TENM2: variants seen among roughly 807,000 people sequenced by gnomAD.
TENM2 encodes teneurin transmembrane protein 2, also known as teneurin-2.
A neutral mutation model predicts 245.2 loss-of-function variants in TENM2; 52 were observed. The ratio of observed to expected loss-of-function variants is 0.21; its 90% confidence interval spans 0.17 to 0.27. The LOEUF (loss-of-function observed/expected upper bound fraction) is 0.27, where lower values mean the gene tolerates loss of function less well. TENM2 is among the 10% of genes least tolerant of loss of function. TENM2 has a pLI of 1.00. For missense variants in TENM2, 3,046 were observed against 3,666.8 expected (o/e 0.83, Z 4.37); for synonymous variants, 1,363 against 1,438.9 (o/e 0.95, Z 1.19).
At chr5:167,246,434 ATATATG>A in the TENM2 span, among the ~76,000 whole-genome samples, 224 of 152,176 alleles carry the variant, frequency 1.5e-3, 2 homozygotes, top group Middle Eastern at 6.8e-3. Flanking sequence ...ATATGTCTGT[ATATATG>A]TATATGTATA....
chr5:167,734,664 T>A (rs952675483), intron 2 of TENM2, among the ~76,000 whole-genome samples: 6 of 152,078 alleles, frequency 3.9e-5, no homozygotes, highest in African/African-American at 1.4e-4. Flanking sequence ...TCTGCAGCTT[T>A]CAGTACTGTG....
intron 2 of TENM2, among the ~76,000 whole-genome samples, chr5:167,855,219 C>T (rs1395567899): frequency 6.6e-6 from 1 of 152,048 alleles, no homozygotes; most frequent in African/African-American, 2.4e-5. Context: ...TTGTGCTTCC[C>T]CTAGACATCA....
the TENM2 span, among the ~76,000 whole-genome samples, chr5:167,140,681 C>T: frequency 6.6e-6 from 1 of 152,074 alleles, no homozygotes; most frequent in South Asian, 2.1e-4. Context: ...GAGCGCAATA[C>T]ACTTGGTGGC....
chr5:167,012,598 A>G, the TENM2 span, among the ~76,000 whole-genome samples: 1 of 152,190 alleles, frequency 6.6e-6, no homozygotes, highest in East Asian at 1.9e-4. Flanking sequence ...AATTTTGTCA[A>G]AAGAACTTTC....
intron 4 of TENM2, among the ~76,000 whole-genome samples, chr5:167,989,016 A>G (rs922143965): frequency 6.6e-6 from 1 of 152,086 alleles, no homozygotes; most frequent in African/African-American, 2.4e-5. Flanking sequence ...AAACATTTCT[A>G]TTTTCAAGTT....
chr5:167,146,265 T>C, the TENM2 span, among the ~76,000 whole-genome samples: 1 of 152,154 alleles, frequency 6.6e-6, no homozygotes, highest in Non-Finnish European at 1.5e-5. Flanking sequence ...CAACAGGCGT[T>C]CTGGTTGGTC....
chr5:167,244,341 C>G, the TENM2 span, among the ~76,000 whole-genome samples: 7 of 152,150 alleles, frequency 4.6e-5, no homozygotes, highest in Admixed American at 4.6e-4. Flanking sequence ...CATACCACTT[C>G]ATTTAACACG....
chr5:168,074,768 TC>T (rs1375348478), intron 7 of TENM2, among the ~76,000 whole-genome samples: 1 of 152,170 alleles, frequency 6.6e-6, no homozygotes, highest in African/African-American at 2.4e-5. Context: ...CCTGGAATCA[TC>T]CCCCAGATAT....
At chr5:167,655,074 G>A (rs935696458) in intron 2 of TENM2, among the ~76,000 whole-genome samples, 15 of 152,078 alleles carry the variant, frequency 9.9e-5, no homozygotes, top group Admixed American at 3.9e-4. Flanking sequence ...GATTACAGAC[G>A]ATCGATAGCC....
intron 2 of TENM2, among the ~76,000 whole-genome samples, chr5:167,482,840 A>T (rs1276205643): frequency 1.3e-5 from 2 of 152,228 alleles, no homozygotes; most frequent in Non-Finnish European, 2.9e-5. Flanking sequence ...GTGTCTGACA[A>T]CTAGTAAGAG....
At chr5:167,094,050 T>C in the TENM2 span, among the ~76,000 whole-genome samples, 1 of 152,318 alleles carries the variant, frequency 6.6e-6, no homozygotes, top group East Asian at 1.9e-4. Flanking sequence ...GGGAAGATAA[T>C]GAATTTCAAT....
At chr5:167,315,051 G>C (rs565294551) in intron 1 of TENM2, among the ~76,000 whole-genome samples, 1 of 151,636 alleles carries the variant, frequency 6.6e-6, no homozygotes, top group South Asian at 2.1e-4. Flanking sequence ...GGTTAGTTAG[G>C]TCCCTTCCAC....
chr5:167,954,202 A>AC (rs1780352262), intron 4 of TENM2, among the ~76,000 whole-genome samples: 1 of 151,000 alleles, frequency 6.6e-6, no homozygotes, highest in African/African-American at 2.5e-5. Context: ...CACACACACA[A>AC]ACAAACACAC....
intron 5 of TENM2, among the ~76,000 whole-genome samples, chr5:168,021,344 A>T (rs62383380): frequency 0.15 from 22,513 of 152,264 alleles, 1,909 homozygotes; most frequent in Admixed American, 0.26. Context: ...ATTTGCTTAA[A>T]GGAGCAAATG....
chr5:167,180,859 G>T, the TENM2 span, among the ~76,000 whole-genome samples: 2 of 151,882 alleles, frequency 1.3e-5, no homozygotes, highest in Non-Finnish European at 2.9e-5. Context: ...AGTGGGTCTT[G>T]CTGCCTCTGG....
intron 2 of TENM2, among the ~76,000 whole-genome samples, chr5:167,804,231 TAA>T (rs1163538641): frequency 6.6e-6 from 1 of 152,082 alleles, no homozygotes; most frequent in Non-Finnish European, 1.5e-5. Flanking sequence ...ATAATGTATT[TAA>T]ATTTATTTTT....
chr5:167,807,328 G>A (rs1343347570), intron 2 of TENM2, among the ~76,000 whole-genome samples: 1 of 151,826 alleles, frequency 6.6e-6, no homozygotes, highest in African/African-American at 2.4e-5. Flanking sequence ...CATCCCTAAA[G>A]CAATTGCTCT....
At chr5:168,188,683 A>G (rs760234567) in intron 13 of TENM2, among the ~76,000 whole-genome samples, 21 of 152,316 alleles carry the variant, frequency 1.4e-4, no homozygotes, top group Non-Finnish European at 2.5e-4. Flanking sequence ...TAATTCTACT[A>G]TAAGAAAGTT....
chr5:167,678,971 A>G (rs1377197652), intron 2 of TENM2, among the ~76,000 whole-genome samples: 2 of 152,162 alleles, frequency 1.3e-5, no homozygotes, highest in Non-Finnish European at 2.9e-5. Flanking sequence ...TATTCTCGCC[A>G]TGATGACTGT....
Sources: allele counts gnomAD v4.1 joint callset (sites outside exome capture counted in the v4.1 genomes callset), GRCh38; gene constraint gnomAD v4.1.1; transcripts MANE v1.5; gene names NCBI Gene and HGNC (gene_info 2026-07-23, HGNC 2026-07-21).